The following UGT2B4 variants were observed in gnomAD, a reference collection of about 807,000 sequenced individuals.
UGT2B4 encodes UDP-glucuronosyltransferase 2B4.
UGT2B4 carries 49 observed loss-of-function variants against 49.8 expected under a neutral mutation model. That is an observed-to-expected ratio of 0.98 (90% CI 0.78 to 1.25). The LOEUF is 1.25. Among genes scored for constraint, UGT2B4 ranks in the 50% most tolerant of loss-of-function variants. The pLI, the probability that UGT2B4 is intolerant of heterozygous loss-of-function variation, is 0.00. For missense variants in UGT2B4, 729 were observed against 627.7 expected (o/e 1.16, Z -1.73); for synonymous variants, 246 against 217.7 (o/e 1.13, Z -1.14).
intron 1 of UGT2B4, among the ~76,000 whole-genome samples, chr4:69,507,632 G>T (rs1190690065): frequency 6.6e-6 from 1 of 151,854 alleles, no homozygotes; most frequent in Non-Finnish European, 1.5e-5. Context: ...ATATTGTTAA[G>T]ATGGCCATAC....
At chr4:69,520,652 G>A (rs1189103318) in intron 1 of UGT2B4, among the ~76,000 whole-genome samples, 1 of 142,060 alleles carries the variant, frequency 7.0e-6, no homozygotes, top group Admixed American at 7.0e-5. Flanking sequence ...GCATGCTTGG[G>A]GCAAGGCTGA....
chr4:69,495,700 A>G lies in UGT2B4; in HGVS notation c.162T>C (p.Thr54=). 2 of 1,614,072 alleles carry G rather than the reference A, an allele frequency of 1.2e-6. No individual in the cohort carries two copies. The highest frequency in any genetic ancestry group is 1.7e-6 in the Non-Finnish European group (2 of 1,179,956). ...AAATGGAAGCTGAAGATGCCAATAC[A>G]GTCACCTCATGACCTCTCTGGACAA... is the stretch of plus-strand genomic sequence containing the variant. ...DELVQRGHEV[T]VLASSASISF... is the part of the protein sequence containing the mutation. Residue 54 remains threonine (T), a synonymous_variant, in exon 1 of 6, where the codon ACT becomes ACC. Coordinates refer to ENST00000305107, the MANE Select transcript of UGT2B4 (RefSeq NM_021139.3).
chr4:69,494,654 C>T (rs998635702), intron 1 of UGT2B4, among the ~76,000 whole-genome samples: 5 of 152,064 alleles, frequency 3.3e-5, no homozygotes, highest in African/African-American at 1.2e-4. Context: ...CATCATTTCT[C>T]TCAACTGTGG....
Position 69,502,097 on chromosome 4 carries a change from CTT to C in UGT2B4, c.-105-6133_-105-6132del, listed in dbSNP as rs1560439003. Among the ~76,000 whole-genome samples, 22 of 95,012 alleles carry C rather than the reference CTT, an allele frequency of 2.3e-4. 1 individual carries two copies. The highest frequency in any genetic ancestry group is 1.0e-3 in the African/African-American group (21 of 20,190). 62.3% of individuals were successfully genotyped at this position (95,012 alleles called of 152,430 possible). On this transcript the variant is annotated intron_variant, in intron 1 of 1. Coordinates refer to the UGT2B4 transcript ENST00000510114. ...TTTCTTTCTTTCTTTCTCTCTCTTTCTTTCTTTCTTTCTTTCTTTCTTTCTTT... is the reference window on the plus strand; with the variant it reads ...TTTCTTTCTTTCTTTCTCTCTCTTTCTCTTTCTTTCTTTCTTTCTTTCTTT...
chr4:69,494,158 T>C (rs911345620), intron 1 of UGT2B4, among the ~76,000 whole-genome samples: 1 of 152,138 alleles, frequency 6.6e-6, no homozygotes, highest in Non-Finnish European at 1.5e-5. Flanking sequence ...AAACCTTCGA[T>C]AGTAGCAGAT....
In UGT2B4 at chr4:69,493,719, A is replaced by G. The variant is rs746020667; in HGVS notation, c.844T>C (p.Cys282Arg). 185 of 1,609,440 alleles carry G rather than the reference A, an allele frequency of 1.1e-4. No homozygotes were observed. The highest frequency in any genetic ancestry group is 1.5e-4 in the Non-Finnish European group (179 of 1,178,396). ...TTCGGTAGGGGTTTGGCAGGTTTGC[A>G]GTGGAGTCCTCCAACGAACTCAACA... is the stretch of plus-strand genomic sequence containing the variant. ...PNVEFVGGLH[C>R]KPAKPLPKEM... The change falls in exon 2 of 6, where the codon TGC (cysteine) becomes CGC (arginine). Residue 282 changes from cysteine (C) to arginine (R), a missense_variant. Physicochemically the swap from Cys to Arg is radical, Grantham distance 180 (BLOSUM62 -3). Transcript: ENST00000305107.
Position 69,482,640 on chromosome 4 carries a change from T to G in UGT2B4, c.1311-1730A>C, listed in dbSNP as rs148939415. On this transcript the variant is annotated intron_variant, in intron 5 of 5. Transcript: ENST00000305107. ...TCCTTTTTTTGAGATGGAGTCTCAC[T>G]CTGTCACCTAGTCTGGAGTGCAGTG... Among the ~76,000 whole-genome samples, 1,316 of 152,172 alleles carry G rather than the reference T, an allele frequency of 8.6e-3. 14 individuals carry two copies. Among genetic ancestry groups the G allele is most frequent in the African/African-American group, 0.03 (1,234 of 41,522 alleles).
chr4:69,517,615 A>G (rs537785081), intron 1 of UGT2B4: 1 of 152,458 alleles, frequency 6.6e-6, no homozygotes, highest in African/African-American at 2.4e-5. Flanking sequence ...TGTTCTATAT[A>G]TGACAATTTT....
chr4:69,483,281 G>A (rs1198115126), intron 5 of UGT2B4, among the ~76,000 whole-genome samples: 1 of 151,874 alleles, frequency 6.6e-6, no homozygotes, highest in Non-Finnish European at 1.5e-5. Flanking sequence ...CTTGATTTAT[G>A]ACCCTCCCCA....
At chr4:69,493,613 G>T in intron 2 of UGT2B4, 80 bp downstream of exon 2, 3 of 1,478,102 alleles carry the variant, frequency 2.0e-6, no homozygotes, top group Non-Finnish European at 2.7e-6. Context: ...TTCTTCCAGT[G>T]TAAGTCAAAC....
At chr4:69,487,288 TA>T (rs1233782434) in intron 3 of UGT2B4, among the ~76,000 whole-genome samples, 1 of 152,156 alleles carries the variant, frequency 6.6e-6, no homozygotes, top group African/African-American at 2.4e-5. Flanking sequence ...TACAGACAAA[TA>T]TACATTTTAC....
chr4:69,500,668 AG>A (rs746928007), upstream of UGT2B4, among the ~76,000 whole-genome samples: 181 of 110,234 alleles, frequency 1.6e-3, 1 homozygote, highest in Non-Finnish European at 3.1e-3. Context: ...AAAGAAAGAA[AG>A]GAAGGAAAGA....
Position 69,489,574 on chromosome 4 carries a change from T to A in UGT2B4, c.871-4A>T. On this transcript the variant is annotated splice_polypyrimidine_tract_variant and splice_region_variant and intron_variant, in intron 2 of 5. Transcript: ENST00000305107. Reference sequence around the variant, plus strand: ...TCTGGACAAACTCTTCCATTTCCTGTGAAAAAAAAGAATTTGTTCTATCAT... The same window carrying A: ...TCTGGACAAACTCTTCCATTTCCTGAGAAAAAAAAGAATTTGTTCTATCAT... 6.3e-7 allele frequency: 1 copy of A among 1,599,196 alleles called. No homozygotes were observed. Among genetic ancestry groups the A allele is most frequent in the African/African-American group, 1.4e-5 (1 of 73,502 alleles).
At chr4:69,501,221 C>T (rs1254165626) in intron 1 of UGT2B4, among the ~76,000 whole-genome samples, 1 of 145,686 alleles carries the variant, frequency 6.9e-6, no homozygotes, top group Non-Finnish European at 1.5e-5. Flanking sequence ...GCCATTTGAG[C>T]TTTGGAGAGT....
chr4:69,525,814 G>T (rs1728970330), exon 1 of UGT2B4: 2 of 1,055,990 alleles, frequency 1.9e-6, no homozygotes, highest in African/African-American at 3.4e-5. Context: ...TAAAGAAAGG[G>T]CTCCAGGCTG....
chr4:69,525,937 T>C (rs57568132), exon 1 of UGT2B4: 59,887 of 192,154 alleles, frequency 0.31, 9,886 homozygotes, highest in African/African-American at 0.35. Flanking sequence ...CCATCTCTAC[T>C]AAAAATACAA....
At chr4:69,516,429 A>G (rs1465094248) in intron 1 of UGT2B4, among the ~76,000 whole-genome samples, 1 of 152,118 alleles carries the variant, frequency 6.6e-6, no homozygotes, top group Non-Finnish European at 1.5e-5. Flanking sequence ...CAAGAGTTGA[A>G]CTAATTTACA....
At chr4:69,486,753 G>T in intron 3 of UGT2B4, 57 bp from the exon 4 acceptor site, 1 of 1,314,084 alleles carries the variant, frequency 7.6e-7, no homozygotes, top group South Asian at 1.3e-5. Context: ...GTCATAGAAT[G>T]TTAGAAATCT....
chr4:69,502,131 T>TTCTTTCTTTCTA (rs1728349230), intron 1 of UGT2B4, among the ~76,000 whole-genome samples: 2 of 142,600 alleles, frequency 1.4e-5, no homozygotes, highest in Admixed American at 1.4e-4. Flanking sequence ...CTTTCTTTCT[T>TTCTTTCTTTCTA]TCTTTCTTTC....
Sources: gnomAD v4.1 joint callset for allele counts (sites outside exome capture counted in the v4.1 genomes callset) on GRCh38, gnomAD v4.1.1 for gene constraint, MANE v1.5 for transcripts, NCBI Gene and HGNC (gene_info 2026-07-23, HGNC 2026-07-21) for gene names.